ARHGAP32: variants seen among roughly 807,000 people sequenced by gnomAD.
ARHGAP32 encodes Rho GTPase activating protein 32.
ARHGAP32 carries 51 observed loss-of-function variants against 186.5 expected under a neutral mutation model. The ratio of observed to expected loss-of-function variants is 0.27; its 90% CI spans 0.22 to 0.35. The LOEUF (loss-of-function observed/expected upper bound fraction) is 0.35. ARHGAP32 is among the 10% of genes least tolerant of loss of function. ARHGAP32 has a pLI of 1.00. For synonymous variants in ARHGAP32, 950 were observed against 964.3 expected (o/e 0.99, Z 0.27); for missense variants, 2,186 against 2,623.5 (o/e 0.83, Z 3.64).
At chr11:129,238,646 G>A (rs1269603599) in intron 1 of ARHGAP32, among the ~76,000 whole-genome samples, 3 of 152,084 alleles carry the variant, frequency 2.0e-5, no homozygotes, top group African/African-American at 4.8e-5. Flanking sequence ...ACAAGGCTCA[G>A]GTGGGAGGAC....
At chr11:128,977,211 CTGT>C (rs2136090215) in intron 19 of ARHGAP32, among the ~76,000 whole-genome samples, 1 of 152,300 alleles carries the variant, frequency 6.6e-6, no homozygotes, top group Admixed American at 6.5e-5. Flanking sequence ...GAAAAAAATT[CTGT>C]TGTTTTTTAC....
chr11:129,268,882 T>C (rs913041368), intron 1 of ARHGAP32, among the ~76,000 whole-genome samples: 2 of 152,092 alleles, frequency 1.3e-5, no homozygotes, highest in African/African-American at 2.4e-5. Context: ...CTCTCTATCA[T>C]CAACAAATGT....
At chr11:129,146,510 T>C (rs1417673130) in intron 2 of ARHGAP32, among the ~76,000 whole-genome samples, 2 of 152,134 alleles carry the variant, frequency 1.3e-5, no homozygotes, top group African/African-American at 4.8e-5. Context: ...ATATCTTATT[T>C]TCTGAAAGAG....
At position 128,972,587 on chromosome 11, in the gene ARHGAP32, C is replaced by T. The variant is rs1336490723; in HGVS notation, c.3919G>A (p.Ala1307Thr). Residue 1307 changes from alanine (A) to threonine (T), a missense_variant, in exon 22 of 23, where the codon GCT becomes ACT. By Grantham distance (58) the Ala-to-Thr change is moderately conservative. Coordinates refer to ENST00000682385, the MANE Select transcript of ARHGAP32 (RefSeq NM_001378024.1). ...AEQPTTADFA[A>T]ATLQRTHRTN... ...CTGTGCGTGCGCTGAAGTGTGGCAG[C>T]AGCAAAATCAGCAGTGGTGGGTTGT... 3 of 1,603,218 alleles carry T rather than the reference C, an allele frequency of 1.9e-6. No individual in the cohort carries two copies. Among genetic ancestry groups the T allele is most frequent in the Non-Finnish European group, 2.6e-6 (3 of 1,173,570 alleles).
chr11:128,985,854 GTGTGTATATATATA>G, intron 15 of ARHGAP32, 135 bp downstream of exon 15: 2 of 119,392 alleles, frequency 1.7e-5, no homozygotes, highest in East Asian at 2.3e-4. Context: ...GTGTGTGTGT[GTGTGTATATATATA>G]TATATATATA....
rs532485452 is a variant in ARHGAP32 at position 128,997,237 on chromosome 11, G to GT, written c.1195+1081dup. On this transcript the variant is annotated intron_variant, in intron 12 of 22. Transcript: ENST00000682385. ...ATCCTCAGGGGTTTTTTTTGTTTTT[G>GT]TTTTTTTAGGGATCTGCATTAAGTT... is the stretch of plus-strand genomic sequence containing the variant. Among the ~76,000 whole-genome samples the GT allele has an allele frequency of 3.1e-3, 462 of 151,450 alleles. 1 individual carries two copies. The highest frequency in any genetic ancestry group is 0.011 in the African/African-American group (440 of 41,334).
intron 11 of ARHGAP32, among the ~76,000 whole-genome samples, chr11:129,000,023 T>C (rs1946313026): frequency 6.6e-6 from 1 of 152,174 alleles, no homozygotes; most frequent in South Asian, 2.1e-4. Flanking sequence ...TGTAATCTGT[T>C]GAATATAACT....
At chr11:129,031,223 T>C (rs1402239648) in intron 11 of ARHGAP32, among the ~76,000 whole-genome samples, 2 of 152,218 alleles carry the variant, frequency 1.3e-5, no homozygotes, top group African/African-American at 4.8e-5. Context: ...TAGTTTCTGA[T>C]ACTCATGAAT....
At position 128,969,814 on chromosome 11, in the gene ARHGAP32, C is replaced by T. The variant is rs1363690409; in HGVS notation, c.5399G>A (p.Gly1800Glu). The T allele has an allele frequency of 1.2e-6, 2 of 1,614,052 alleles. No homozygotes were observed. Among genetic ancestry groups the T allele is most frequent in the African/African-American group, 1.3e-5 (1 of 74,926 alleles). ...MTPAVQDDLG[G>E]IYVIHLRSKS... is the part of the protein sequence containing the mutation. The stretch of plus-strand genomic sequence containing the variant: ...ACTACGCAGATGGATGACATAGATC[C>T]CACCCAAGTCGTCCTGCACCGCCGG... The change falls in exon 23 of 23, where the codon GGG becomes GAG. Residue 1800 changes from glycine (G) to glutamate (E), a missense_variant. By Grantham distance (98) the Gly-to-Glu change is moderately conservative. This residue lies in a region of ARHGAP32 where 1,502 missense variants were observed against 1,570.0 expected (regional missense o/e 0.96). Transcript: ENST00000682385. This position sits in a 1 kb window ranked among gnomAD's most constrained non-coding sequence, Gnocchi z 4.8.
chr11:128,970,972 T>C lies in ARHGAP32; in HGVS notation c.4241A>G (p.Glu1414Gly). ...ARVPLLHLRA[E>G]SVPAHPCGFP... ...GCCACAGGGATGCGCAGGGACAGACTCGGCGCGCAGGTGCAGCAGCGGGAC... is the reference window on the plus strand; with the variant it reads ...GCCACAGGGATGCGCAGGGACAGACCCGGCGCGCAGGTGCAGCAGCGGGAC... Residue 1414 changes from glutamate to glycine, a missense_variant, in exon 23 of 23, where the codon GAG becomes GGG. By Grantham distance (98) the Glu-to-Gly change is moderately conservative. This residue lies in a region of ARHGAP32 where 1,502 missense variants were observed against 1,570.0 expected (regional missense o/e 0.96). Coordinates refer to ENST00000682385, the MANE Select transcript of ARHGAP32 (RefSeq NM_001378024.1). The surrounding 1 kb of genome is among the most constrained non-coding windows in gnomAD (Gnocchi z 5.8). 1 of 1,613,852 alleles carries C rather than the reference T, an allele frequency of 6.2e-7. No homozygotes were observed. Among genetic ancestry groups the C allele is most frequent in the Non-Finnish European group, 8.5e-7 (1 of 1,179,986 alleles).
chr11:129,196,858 A>T (rs1011400559), upstream of ARHGAP32, among the ~76,000 whole-genome samples: 1 of 152,090 alleles, frequency 6.6e-6, no homozygotes, highest in Non-Finnish European at 1.5e-5. Context: ...GGAGTTCGAG[A>T]CCAGCCTGTC....
intron 11 of ARHGAP32, among the ~76,000 whole-genome samples, chr11:129,021,596 T>C (rs1462585950): frequency 6.6e-6 from 1 of 152,080 alleles, no homozygotes; most frequent in African/African-American, 2.4e-5. Context: ...CTTACTTTTC[T>C]AGAAGCTACA....
chr11:128,977,614 C>T (rs1945583210), intron 19 of ARHGAP32, among the ~76,000 whole-genome samples: 1 of 152,092 alleles, frequency 6.6e-6, no homozygotes, highest in African/African-American at 2.4e-5. Context: ...GTTGTTATTT[C>T]CTAACCACTA....
chr11:129,230,806 G>T (rs1192125969), intron 1 of ARHGAP32, among the ~76,000 whole-genome samples: 1 of 151,938 alleles, frequency 6.6e-6, no homozygotes, highest in Admixed American at 6.6e-5. Context: ...CCATAAAAAA[G>T]AGCCCAAAAT....
chr11:129,180,014 A>C (rs1254657726), intron 1 of ARHGAP32, among the ~76,000 whole-genome samples: 2 of 152,148 alleles, frequency 1.3e-5, no homozygotes, highest in Non-Finnish European at 2.9e-5. Flanking sequence ...AAACAATCTA[A>C]AAGACTCTAT....
intron 11 of ARHGAP32, among the ~76,000 whole-genome samples, chr11:129,027,742 C>T (rs1238525179): frequency 6.6e-6 from 1 of 152,128 alleles, no homozygotes; most frequent in Admixed American, 6.5e-5. Context: ...TCTTGGCATC[C>T]GTCTCTCAGG....
At chr11:129,180,935 T>C (rs895660082) in intron 1 of ARHGAP32, among the ~76,000 whole-genome samples, 2 of 152,282 alleles carry the variant, frequency 1.3e-5, no homozygotes, top group East Asian at 1.9e-4. Flanking sequence ...ATTCACTTTA[T>C]TTGTATGAGA....
chr11:129,218,742 C>A (rs1944676581), intron 1 of ARHGAP32, among the ~76,000 whole-genome samples: 1 of 152,060 alleles, frequency 6.6e-6, no homozygotes, highest in African/African-American at 2.4e-5. Flanking sequence ...TAAAAAACAA[C>A]AACAACAACA....
At chr11:129,190,861 T>TA (rs747720834) in intron 1 of ARHGAP32, among the ~76,000 whole-genome samples, 16 of 152,194 alleles carry the variant, frequency 1.1e-4, no homozygotes, top group Non-Finnish European at 1.9e-4. Context: ...GGAAGGGACT[T>TA]ACTCAAATTT....
Sources: allele counts gnomAD v4.1 joint callset (sites outside exome capture counted in the v4.1 genomes callset), GRCh38; gene constraint gnomAD v4.1.1; regional missense constraint gnomAD v4.1.1; non-coding constraint Gnocchi (gnomAD v3.1); transcripts MANE v1.5; gene names NCBI Gene and HGNC (gene_info 2026-07-23, HGNC 2026-07-21).